The following SNUPN variants were observed in gnomAD, a reference collection of about 807,000 sequenced individuals.
SNUPN encodes the protein snurportin-1.
A neutral mutation model predicts 39.2 loss-of-function variants in SNUPN; 31 were observed. That is an observed-to-expected ratio of 0.79 (90% CI 0.59 to 1.07). The LOEUF (loss-of-function observed/expected upper bound fraction) is 1.07. SNUPN is among the 50% of genes least tolerant of loss of function. The probability of loss-of-function intolerance (pLI) is 0.00; values close to 1 mark genes in which losing one functional copy is unlikely to be tolerated. For missense variants in SNUPN, 382 were observed against 434.2 expected (o/e 0.88, Z 1.07); for synonymous variants, 132 against 159.0 (o/e 0.83, Z 1.28).
intron 1 of SNUPN, among the ~76,000 whole-genome samples, chr15:75,623,024 T>C (rs1297623554): frequency 6.6e-6 from 1 of 152,226 alleles, no homozygotes. Flanking sequence ...AAATTCATCA[T>C]CTTAACCATT....
chr15:75,610,721 T>G (rs188520521), intron 3 of SNUPN, among the ~76,000 whole-genome samples: 35 of 152,308 alleles, frequency 2.3e-4, no homozygotes, highest in Non-Finnish European at 4.6e-4. Context: ...GACCAGCATT[T>G]CTCAAACCGA....
chr15:75,626,068 CAG>C (rs1306925740), upstream of SNUPN: 1 of 152,326 alleles, frequency 6.6e-6, no homozygotes, highest in Non-Finnish European at 1.5e-5. Context: ...CCGCCTCCCG[CAG>C]ATCTTCCCGG....
intron 2 of SNUPN, among the ~76,000 whole-genome samples, chr15:75,617,806 T>G (rs1449587578): frequency 1.3e-5 from 2 of 152,136 alleles, no homozygotes; most frequent in Admixed American, 1.3e-4. Context: ...GGTCTCAAAC[T>G]CCTGGCCTCA....
In SNUPN at chr15:75,621,015, A is replaced by G; in HGVS notation, c.37T>C (p.Ser13Pro). The stretch of plus-strand genomic sequence containing the variant: ...GTGCTGTTCAGATCTTGAGACACAG[A>G]AAAGCTACTAGCCAGGGCCTGACTC... ...ELSQALASSF[S>P]VSQDLNSTAA... The change falls in exon 2 of 9, where the codon TCT (serine) becomes CCT (proline). Residue 13 changes from serine to proline, a missense_variant. Transcript: ENST00000308588. 1 of 1,614,152 alleles carries G rather than the reference A, an allele frequency of 6.2e-7. No homozygotes were observed.
chr15:75,619,977 G>A (rs960629656), intron 2 of SNUPN, among the ~76,000 whole-genome samples: 5 of 152,094 alleles, frequency 3.3e-5, no homozygotes, highest in African/African-American at 1.2e-4. Context: ...TCGAACTCCT[G>A]ACCTCAGGTG....
chr15:75,598,497 C>G lies in SNUPN; in HGVS notation c.944G>C (p.Ser315Thr). Residue 315 changes from serine (S) to threonine (T), a missense_variant, in exon 9 of 9, where the codon AGC becomes ACC. By Grantham distance (58) the Ser-to-Thr change is moderately conservative (BLOSUM62 1). Coordinates refer to ENST00000308588, the MANE Select transcript of SNUPN (RefSeq NM_005701.4). ...TTTCTCCTTCATGCCTTCCTTCTGG[C>G]TCTTCTTGTGCTCCATAATCTGCTG... ...QLQQIMEHKK[S>T]QKEGMKEKLT... 1 of 1,614,194 alleles carries G rather than the reference C, an allele frequency of 6.2e-7. No homozygotes were observed. Among genetic ancestry groups the G allele is most frequent in the Non-Finnish European group, 8.5e-7 (1 of 1,180,044 alleles).
rs1442927793 is a variant in SNUPN, at chr15:75,617,435, C to A, written c.276G>T (p.Lys92Asn). Residue 92 changes from lysine to asparagine, a missense_variant, in exon 3 of 9, where the codon AAG (lysine) becomes AAT (asparagine). Physicochemically the swap from Lys to Asn is moderately conservative, Grantham distance 94. Transcript: ENST00000308588. The stretch of plus-strand genomic sequence containing the variant: ...GATTAGCATAGTGTTTTGGTAACTT[C>A]TTGACAGTGTCAATGTCCATTTCTT... Reference protein sequence around the residue: ...DDEEMDIDTVKKLPKHYANQL... With the variant: ...DDEEMDIDTVNKLPKHYANQL... 3 of 1,614,084 alleles carry A rather than the reference C, an allele frequency of 1.9e-6. No homozygotes were observed. The highest frequency in any genetic ancestry group is 2.5e-6 in the Non-Finnish European group (3 of 1,180,020).
Position 75,621,027 on chromosome 15 carries a change from C to T in SNUPN, c.25G>A (p.Ala9Thr), listed in dbSNP as rs1893055504. 6.2e-7 allele frequency: 1 copy of T among 1,613,752 alleles called. No individual in the cohort carries two copies. Among genetic ancestry groups the T allele is most frequent in the Admixed American group, 1.7e-5 (1 of 59,882 alleles). The change falls in exon 2 of 9, where the codon GCT (alanine) becomes ACT (threonine). Residue 9 changes from alanine to threonine, a missense_variant. Coordinates refer to ENST00000308588, the MANE Select transcript of SNUPN (RefSeq NM_005701.4). MEELSQAL[A>T]SSFSVSQDLN... ...TCTTGAGACACAGAAAAGCTACTAG[C>T]CAGGGCCTGACTCAACTCTTCCATC...
intron 6 of SNUPN, among the ~76,000 whole-genome samples, chr15:75,606,255 G>T (rs79821919): frequency 0.17 from 26,129 of 152,176 alleles, 3,017 homozygotes; most frequent in Non-Finnish European, 0.25. Context: ...GATTGTTATT[G>T]TTTGAATGAG....
In SNUPN at chr15:75,607,213, T is replaced by C; in HGVS notation, c.600+3A>G. ...GAGCCACGAGAGGAGGATCCATCCC[T>C]ACCTGGCAATCATAAAAAGGGTGTC... is the stretch of plus-strand genomic sequence containing the variant. On this transcript the variant is annotated splice_donor_region_variant and intron_variant, in intron 6 of 8. Transcript: ENST00000308588. 1.2e-6 allele frequency: 2 copies of C among 1,606,224 alleles called. No homozygotes were observed. Among genetic ancestry groups the C allele is most frequent in the Non-Finnish European group, 1.7e-6 (2 of 1,172,966 alleles).
intron 7 of SNUPN, among the ~76,000 whole-genome samples, chr15:75,602,779 T>C (rs1212881972): frequency 2.6e-5 from 4 of 151,964 alleles, no homozygotes; most frequent in African/African-American, 9.7e-5. Context: ...TCTGTTTTTG[T>C]ATTTTTTTGT....
intron 3 of SNUPN, among the ~76,000 whole-genome samples, chr15:75,613,282 A>G (rs1166358876): frequency 2.1e-5 from 3 of 145,852 alleles, no homozygotes; most frequent in Non-Finnish European, 3.1e-5. Flanking sequence ...AAAAAAAAAA[A>G]GAGCAAAGGA....
At chr15:75,619,485 T>TA (rs1185279142) in intron 2 of SNUPN, among the ~76,000 whole-genome samples, 4 of 151,638 alleles carry the variant, frequency 2.6e-5, no homozygotes, top group African/African-American at 4.8e-5. Flanking sequence ...CTACAAAATA[T>TA]AAAAAAATTA....
chr15:75,625,842 G>A (rs1254689010), upstream of SNUPN: 3 of 152,226 alleles, frequency 2.0e-5, no homozygotes, highest in African/African-American at 7.2e-5. Context: ...GAGTTCCGTT[G>A]CCTACAGGCC....
At chr15:75,600,722 G>T in intron 8 of SNUPN, 1 of 203,240 alleles carries the variant, frequency 4.9e-6, no homozygotes, top group Non-Finnish European at 1.0e-5. Flanking sequence ...TTGGACATTT[G>T]TTGGAGTCAT....
chr15:75,614,613 G>A (rs1413829350), intron 3 of SNUPN, among the ~76,000 whole-genome samples: 1 of 152,158 alleles, frequency 6.6e-6, no homozygotes, highest in Non-Finnish European at 1.5e-5. Context: ...AGGGAAGAAT[G>A]GAGAGTGACA....
chr15:75,619,532 C>T (rs1275337020), intron 2 of SNUPN, among the ~76,000 whole-genome samples: 2 of 151,836 alleles, frequency 1.3e-5, no homozygotes, highest in African/African-American at 4.8e-5. Flanking sequence ...GTCCCACCTA[C>T]TTCAGAGGCT....
At chr15:75,613,511 C>T (rs1234362486) in intron 3 of SNUPN, among the ~76,000 whole-genome samples, 4 of 151,070 alleles carry the variant, frequency 2.6e-5, no homozygotes, top group Non-Finnish European at 5.9e-5. Context: ...GAAGTGGTGG[C>T]GGGTGCCTGT....
chr15:75,623,630 A>G (rs1893133408), intron 1 of SNUPN, among the ~76,000 whole-genome samples: 1 of 151,894 alleles, frequency 6.6e-6, no homozygotes, highest in Non-Finnish European at 1.5e-5. Context: ...TTTTTAGTAG[A>G]GAAGAGGTTT....
Sources: allele counts gnomAD v4.1 joint callset (sites outside exome capture counted in the v4.1 genomes callset), GRCh38; gene constraint gnomAD v4.1.1; transcripts MANE v1.5; gene names NCBI Gene and HGNC (gene_info 2026-07-23, HGNC 2026-07-21).